SH3PXD2A: variants seen among roughly 807,000 people sequenced by gnomAD.
SH3PXD2A encodes SH3 and PX domains 2A.
Under a neutral mutation model 115.2 loss-of-function variants are expected in SH3PXD2A, and 32 were observed. That is an observed-to-expected ratio of 0.28 (90% CI 0.21 to 0.37). The LOEUF is 0.37. Ranked by LOEUF, SH3PXD2A falls within the 10% of genes least tolerant of loss-of-function variation. The pLI is 1.00. For missense variants in SH3PXD2A, 1,328 were observed against 1,498.7 expected, an observed-to-expected ratio of 0.89 and a Z score of 1.88; for synonymous variants, 610 against 629.1, an observed-to-expected ratio of 0.97 and a Z score of 0.45.
intron 2 of SH3PXD2A, among the ~76,000 whole-genome samples, chr10:103,798,268 G>C (rs1446610732): frequency 3.9e-5 from 6 of 152,182 alleles, no homozygotes; most frequent in Non-Finnish European, 7.3e-5. Flanking sequence ...GTAGTACCGG[G>C]TGTGAATGTA....
intron 2 of SH3PXD2A, among the ~76,000 whole-genome samples, chr10:103,780,719 C>A (rs2038923973): frequency 6.6e-6 from 1 of 152,162 alleles, no homozygotes; most frequent in Non-Finnish European, 1.5e-5. Context: ...CCACTGCCAC[C>A]CCTTCCTCCT....
At chr10:103,831,100 A>G (rs2039478826) in intron 1 of SH3PXD2A, among the ~76,000 whole-genome samples, 2 of 152,194 alleles carry the variant, frequency 1.3e-5, no homozygotes, top group South Asian at 4.1e-4. Flanking sequence ...ATTACACACT[A>G]TTGTTTTGTG....
At chr10:103,713,551 T>C (rs1212190549) in intron 5 of SH3PXD2A, among the ~76,000 whole-genome samples, 4 of 152,248 alleles carry the variant, frequency 2.6e-5, no homozygotes, top group Non-Finnish European at 5.9e-5. Context: ...GGACTCCCTC[T>C]GGCCTGGATG....
chr10:103,669,639 A>T (rs1478169165), intron 6 of SH3PXD2A, among the ~76,000 whole-genome samples: 1 of 152,222 alleles, frequency 6.6e-6, no homozygotes, highest in Non-Finnish European at 1.5e-5. Context: ...ACTCTCAGAC[A>T]TGGAACCAGG....
rs1212546391 is a variant in SH3PXD2A at position 103,611,376 on chromosome 10, A to G, written c.1308+205T>C. Among the ~76,000 whole-genome samples, 34 of 152,210 alleles carry G rather than the reference A, an allele frequency of 2.2e-4. 1 individual carries two copies. The highest frequency in any genetic ancestry group is 2.2e-3 in the Admixed American group (34 of 15,292). ...TTTGGAGTGCAGTGTGTTTCCGATT[A>G]TAAACTGTCCAGCCAGGCCTCCAGG... is the stretch of plus-strand genomic sequence containing the variant. On this transcript the variant is annotated intron_variant, in intron 13 of 14. Coordinates refer to ENST00000369774, the MANE Select transcript of SH3PXD2A (RefSeq NM_001394015.1).
chr10:103,596,069 T>C lies in SH3PXD2A; in HGVS notation c.*5747A>G, dbSNP rs1220338241. On this transcript the variant is annotated 3_prime_UTR_variant, in exon 15 of 15. Coordinates refer to ENST00000369774, the MANE Select transcript of SH3PXD2A (RefSeq NM_001394015.1). ...CCTCCACACACTTCCCAGGAAGTGT[T>C]TGGTCTGGCCCTGCAGTTGGGACTA... is the stretch of plus-strand genomic sequence containing the variant. 1 of 152,174 alleles carries C rather than the reference T, an allele frequency of 6.6e-6. No homozygotes were observed. The highest frequency in any genetic ancestry group is 1.5e-5 in the Non-Finnish European group (1 of 68,004). 9.4% of individuals were successfully genotyped at this position (152,174 alleles called of 1,614,324 possible).
intron 8 of SH3PXD2A, among the ~76,000 whole-genome samples, chr10:103,639,809 G>A (rs985204790): frequency 1.3e-5 from 2 of 152,076 alleles, no homozygotes; most frequent in African/African-American, 4.8e-5. Context: ...AACTGTAAAT[G>A]ATGTGGATGG....
chr10:103,602,401 G>C lies in SH3PXD2A; in HGVS notation c.2817C>G (p.Val939=). The C allele has an allele frequency of 6.2e-7, 1 of 1,614,108 alleles. No individual in the cohort carries two copies. The highest frequency in any genetic ancestry group is 8.5e-7 in the Non-Finnish European group (1 of 1,180,018). The change falls in exon 15 of 15, where the codon GTC becomes GTG. Residue 939 remains valine (V), a synonymous_variant. Coordinates refer to ENST00000369774, the MANE Select transcript of SH3PXD2A (RefSeq NM_001394015.1). ...GGGGCGTGGCCTTCTTGCTCTGGTTGACGGTGTTCAGTGCTTGGACGCGCC... is the reference window on the plus strand; with the variant it reads ...GGGGCGTGGCCTTCTTGCTCTGGTTCACGGTGTTCAGTGCTTGGACGCGCC... The part of the protein sequence containing the change: ...IERRVQALNT[V]NQSKKATPPI...
At chr10:103,710,470 T>A (rs1224044261) in intron 5 of SH3PXD2A, among the ~76,000 whole-genome samples, 3 of 152,216 alleles carry the variant, frequency 2.0e-5, no homozygotes, top group Non-Finnish European at 4.4e-5. Context: ...TTTCTAGACC[T>A]CATAGTAACC....
chr10:103,711,663 C>A (rs1345261214), intron 5 of SH3PXD2A, among the ~76,000 whole-genome samples: 1 of 152,214 alleles, frequency 6.6e-6, no homozygotes, highest in East Asian at 1.9e-4. Flanking sequence ...GGGGCAGAGA[C>A]TCAGTCCCTG....
At chr10:103,664,577 C>T (rs559900519) in intron 7 of SH3PXD2A, among the ~76,000 whole-genome samples, 6 of 152,102 alleles carry the variant, frequency 3.9e-5, no homozygotes, top group South Asian at 2.1e-4. Context: ...GGGCCACCGG[C>T]GCCTGGTCCC....
In SH3PXD2A at chr10:103,794,842, G is replaced by A. The variant is rs561074290; in HGVS notation, c.153+6440C>T. Among the ~76,000 whole-genome samples the A allele has an allele frequency of 1.6e-4, 24 of 152,326 alleles. No homozygotes were observed. The South Asian group carries it at 4.6e-3, about 29-fold the overall frequency. Reference sequence around the variant, plus strand: ...CTGAAAGGCTCTTAGAAGCCCTCTCGGGAACCTGACCTGGTTTCCAGAAGA... The same window carrying A: ...CTGAAAGGCTCTTAGAAGCCCTCTCAGGAACCTGACCTGGTTTCCAGAAGA... On this transcript the variant is annotated intron_variant, in intron 2 of 14. Coordinates refer to ENST00000369774, the MANE Select transcript of SH3PXD2A (RefSeq NM_001394015.1).
At chr10:103,707,398 T>C (rs575729961) in intron 5 of SH3PXD2A, among the ~76,000 whole-genome samples, 2 of 152,266 alleles carry the variant, frequency 1.3e-5, no homozygotes, top group Admixed American at 6.5e-5. Flanking sequence ...GGTTTCACTG[T>C]GTTGGGCAGG....
At chr10:103,851,043 A>G (rs1434003590) in intron 1 of SH3PXD2A, among the ~76,000 whole-genome samples, 1 of 140,948 alleles carries the variant, frequency 7.1e-6, no homozygotes, top group Non-Finnish European at 1.6e-5. Flanking sequence ...GATCTGCCCA[A>G]CACCATACTC....
intron 4 of SH3PXD2A, among the ~76,000 whole-genome samples, chr10:103,729,778 A>C (rs2038292427): frequency 6.6e-6 from 1 of 152,284 alleles, no homozygotes; most frequent in South Asian, 2.1e-4. Context: ...GGTGCTGAAG[A>C]GCCATTCAGG....
At chr10:103,734,948 T>A (rs966891513) in intron 4 of SH3PXD2A, among the ~76,000 whole-genome samples, 1 of 152,230 alleles carries the variant, frequency 6.6e-6, no homozygotes, top group Non-Finnish European at 1.5e-5. Flanking sequence ...GGAGGCACCC[T>A]GTGTGTTCTC....
At chr10:103,720,372 G>A (rs114526345) in intron 5 of SH3PXD2A, among the ~76,000 whole-genome samples, 1,851 of 152,314 alleles carry the variant, frequency 0.012, 18 homozygotes, top group Middle Eastern at 0.034. Flanking sequence ...CTAACTGACC[G>A]GAGATGGGTC....
At chr10:103,638,035 C>G (rs954936221) in intron 8 of SH3PXD2A, among the ~76,000 whole-genome samples, 2 of 152,206 alleles carry the variant, frequency 1.3e-5, no homozygotes, top group Non-Finnish European at 2.9e-5. Flanking sequence ...CACTGCAGCT[C>G]TTGCCAAGAC....
chr10:103,697,937 T>A (rs1330500768), intron 5 of SH3PXD2A, among the ~76,000 whole-genome samples: 1 of 152,132 alleles, frequency 6.6e-6, no homozygotes, highest in East Asian at 1.9e-4. Flanking sequence ...TGTTCTGAAG[T>A]AGGCAGAGCA....
Sources: gnomAD v4.1 joint callset for allele counts (sites outside exome capture counted in the v4.1 genomes callset) on GRCh38, gnomAD v4.1.1 for gene constraint, MANE v1.5 for transcripts, NCBI Gene and HGNC (gene_info 2026-07-23, HGNC 2026-07-21) for gene names.